CREB3L2: variants seen among roughly 807,000 people sequenced by gnomAD.
The protein encoded by CREB3L2 is cyclic AMP-responsive element-binding protein 3-like protein 2.
CREB3L2 carries 23 observed loss-of-function variants against 57.2 expected under a neutral mutation model. The ratio of observed to expected loss-of-function variants is 0.40; its 90% CI spans 0.29 to 0.57. CREB3L2 has a LOEUF of 0.57. Among genes scored for constraint, CREB3L2 ranks in the 20% least tolerant of loss-of-function variants. The pLI is 0.42. For synonymous variants in CREB3L2, 268 were observed against 265.1 expected, an observed-to-expected ratio of 1.01 and a Z score of -0.11; for missense variants, 628 against 634.7, an observed-to-expected ratio of 0.99 and a Z score of 0.11.
chr7:137,950,545 G>GT (rs1264980631), intron 1 of CREB3L2, among the ~76,000 whole-genome samples: 6 of 152,174 alleles, frequency 3.9e-5, no homozygotes, highest in East Asian at 1.9e-4. Context: ...CCGTAGTAGT[G>GT]CTTTTTTTCA....
intron 2 of CREB3L2, among the ~76,000 whole-genome samples, chr7:137,922,419 T>TATATATATATATATATATATATATAC (rs1800332550): frequency 9.9e-6 from 1 of 101,068 alleles, no homozygotes; most frequent in Non-Finnish European, 1.7e-5. Flanking sequence ...TATATATGTA[T>TATATATATATATATATATATATATAC]ATATATATAT....
intron 1 of CREB3L2, among the ~76,000 whole-genome samples, chr7:137,985,163 A>G (rs199546409): frequency 6.6e-6 from 1 of 152,140 alleles, no homozygotes; most frequent in East Asian, 1.9e-4. Flanking sequence ...GGAAAGGGGG[A>G]AGGGGGCCCA....
Position 137,884,988 on chromosome 7 carries a change from G to T in CREB3L2, c.1270+7C>A. ...GACCCTGCCCAACTTGCCACATGCT[G>T]TCTTACCCACGGAGGCTGTGTAGGG... On this transcript the variant is annotated splice_region_variant and intron_variant, in intron 10 of 11. Coordinates refer to ENST00000330387, the MANE Select transcript of CREB3L2 (RefSeq NM_194071.4). 1 of 1,614,176 alleles carries T rather than the reference G, an allele frequency of 6.2e-7. No individual in the cohort carries two copies. The highest frequency in any genetic ancestry group is 8.5e-7 in the Non-Finnish European group (1 of 1,180,032).
intron 1 of CREB3L2, among the ~76,000 whole-genome samples, chr7:137,936,603 C>T (rs543131887): frequency 1.4e-4 from 21 of 152,258 alleles, no homozygotes; most frequent in African/African-American, 5.1e-4. Flanking sequence ...CAACCTAATG[C>T]TCCTTTTGGG....
intron 1 of CREB3L2, among the ~76,000 whole-genome samples, chr7:138,000,686 C>T (rs1171472553): frequency 2.0e-5 from 3 of 152,106 alleles, no homozygotes; most frequent in Non-Finnish European, 4.4e-5. Context: ...CCCCCCTCAC[C>T]CCAGCCCCAC....
rs1417572772 is a variant in CREB3L2, at chr7:137,937,388, T to A, written c.103-9022A>T. On this transcript the variant is annotated intron_variant, in intron 1 of 11. Transcript: ENST00000330387. ...GAGGAGCTGCCCTGGGCTCCTGGCA[T>A]CCCCTAGGCCACCCTCCCTCCTCCC... Among the ~76,000 whole-genome samples, 7 of 152,276 alleles carry A rather than the reference T, an allele frequency of 4.6e-5. No homozygotes were observed. The East Asian group carries it at 1.4e-3, about 29-fold the overall frequency.
chr7:137,946,900 T>TTATCTATATAGTTATATATATAGTTA (rs1801001369), intron 1 of CREB3L2, among the ~76,000 whole-genome samples: 1 of 25,906 alleles, frequency 3.9e-5, no homozygotes, highest in Admixed American at 4.7e-4. Flanking sequence ...ATATATATAG[T>TTATCTATATAGTTATATATATAGTTA]TATATATATA....
chr7:137,927,235 A>G (rs1800486419), intron 2 of CREB3L2, among the ~76,000 whole-genome samples: 2 of 140,706 alleles, frequency 1.4e-5, no homozygotes, highest in South Asian at 4.7e-4. Flanking sequence ...AGAAGGAAGG[A>G]AGGGAGGGAA....
chr7:137,881,188 CG>C (rs1232580169), intron 11 of CREB3L2, among the ~76,000 whole-genome samples: 1 of 152,002 alleles, frequency 6.6e-6, no homozygotes, highest in Non-Finnish European at 1.5e-5. Context: ...GAGATCCCAG[CG>C]GTGGCTACAT....
intron 1 of CREB3L2, among the ~76,000 whole-genome samples, chr7:137,976,556 T>C (rs1801610776): frequency 6.6e-6 from 1 of 152,236 alleles, no homozygotes; most frequent in Admixed American, 6.5e-5. Flanking sequence ...AATAACACCA[T>C]TAATATTTCA....
intron 4 of CREB3L2, among the ~76,000 whole-genome samples, chr7:137,911,200 CAT>C (rs1474692177): frequency 6.6e-6 from 1 of 152,200 alleles, no homozygotes; most frequent in Non-Finnish European, 1.5e-5. Context: ...AGTGCAAAGA[CAT>C]AGTGTCTCAA....
chr7:137,945,001 T>C (rs1203845152), intron 1 of CREB3L2, among the ~76,000 whole-genome samples: 2 of 152,206 alleles, frequency 1.3e-5, no homozygotes, highest in Non-Finnish European at 2.9e-5. Context: ...CAAGCGATTC[T>C]CCTGCCTCAG....
At chr7:137,989,969 T>C (rs560395966) in intron 1 of CREB3L2, among the ~76,000 whole-genome samples, 22 of 152,236 alleles carry the variant, frequency 1.4e-4, no homozygotes, top group Admixed American at 7.2e-4. Context: ...TTCTACTCCA[T>C]GGATGAAATA....
intron 1 of CREB3L2, among the ~76,000 whole-genome samples, chr7:137,995,321 TTTC>T (rs1369384027): frequency 2.6e-5 from 2 of 75,768 alleles, no homozygotes; most frequent in African/African-American, 5.2e-5. Flanking sequence ...TTTCTTTTTT[TTTC>T]TTTTCTTTCT....
In CREB3L2 at chr7:137,915,963, T is replaced by C. The variant is rs1454041363; in HGVS notation, c.369A>G (p.Thr123=). The change falls in exon 3 of 12, where the codon ACA becomes ACG. Residue 123 remains threonine, a synonymous_variant. Transcript: ENST00000330387. Reference sequence around the variant, plus strand: ...CTGTAACTGGCTCTGTCTTGATGGATGTTGAAGGGAAGTCTGTAGACAGGT... The same window carrying C: ...CTGTAACTGGCTCTGTCTTGATGGACGTTGAAGGGAAGTCTGTAGACAGGT... ...KWYLSTDFPS[T]SIKTEPVTDE... 3.7e-6 allele frequency: 6 copies of C among 1,613,884 alleles called. No homozygotes were observed. In the East Asian group the frequency reaches 1.3e-4, roughly 36 times the overall value.
intron 1 of CREB3L2, among the ~76,000 whole-genome samples, chr7:137,971,538 T>A (rs1375298733): frequency 6.6e-6 from 1 of 152,164 alleles, no homozygotes; most frequent in Non-Finnish European, 1.5e-5. Flanking sequence ...TTGATCTTTT[T>A]GCGGCTAGGC....
At position 137,880,900 on chromosome 7, in the gene CREB3L2, A is replaced by G. The variant is rs896731329; in HGVS notation, c.1488-349T>C. On this transcript the variant is annotated intron_variant, in intron 11 of 11. Transcript: ENST00000330387. This position sits in a 1 kb window ranked among gnomAD's most constrained non-coding sequence, Gnocchi z 4.0. ...ACTCAGGGAAGGAGAAAATAAAATG[A>G]TAAGAGCTGATCCTTGGCCTAGAAG... Among the ~76,000 whole-genome samples, 5 of 152,240 alleles carry G rather than the reference A, an allele frequency of 3.3e-5. No homozygotes were observed. The highest frequency in any genetic ancestry group is 1.2e-4 in the African/African-American group (5 of 41,462).
intron 1 of CREB3L2, among the ~76,000 whole-genome samples, chr7:137,995,868 C>A (rs1472191339): frequency 6.6e-6 from 1 of 152,240 alleles, no homozygotes; most frequent in African/African-American, 2.4e-5. Context: ...AAACTCTGTA[C>A]TGCCCTCTCA....
At chr7:137,947,763 T>C (rs573620193) in intron 1 of CREB3L2, among the ~76,000 whole-genome samples, 25 of 152,340 alleles carry the variant, frequency 1.6e-4, no homozygotes, top group African/African-American at 5.8e-4. Context: ...AGAAGAATTT[T>C]TGAAATGCTC....
Sources: gnomAD v4.1 joint callset for allele counts (sites outside exome capture counted in the v4.1 genomes callset) on GRCh38, gnomAD v4.1.1 for gene constraint, Gnocchi (gnomAD v3.1) non-coding constraint, MANE v1.5 for transcripts, NCBI Gene and HGNC (gene_info 2026-07-23, HGNC 2026-07-21) for gene names.